The following CBX5 variants were observed in gnomAD, a reference collection of about 807,000 sequenced individuals.
CBX5 encodes chromobox protein homolog 5.
A neutral mutation model predicts 20.7 loss-of-function variants in CBX5; 7 were observed. That is an observed-to-expected ratio of 0.34 (90% CI 0.19 to 0.63). The LOEUF is 0.63. CBX5 is among the 30% of genes least tolerant of loss of function. The pLI is 0.75. For missense variants in CBX5, 110 were observed against 224.1 expected (o/e 0.49, Z 3.25); for synonymous variants, 78 against 77.0 (o/e 1.01, Z -0.07).
intron 1 of CBX5, among the ~76,000 whole-genome samples, chr12:54,265,044 G>A (rs1259846859): frequency 1.3e-5 from 2 of 152,120 alleles, no homozygotes; most frequent in African/African-American, 4.8e-5. Context: ...GAGCAGAGGA[G>A]AGCGCATATG....
At position 54,277,840 on chromosome 12, in the gene CBX5, T is replaced by C. The variant is rs536317730; in HGVS notation, c.-43+2168A>G. On this transcript the variant is annotated intron_variant, in intron 1 of 4. Coordinates refer to ENST00000209875, the MANE Select transcript of CBX5 (RefSeq NM_012117.3). ...AAAAATAATAAACTCTAGTGTTCTA[T>C]TTTTATTTTTTTAGCAATGGGATCT... 2.0e-5 allele frequency among the ~76,000 whole-genome samples: 3 copies of C among 152,234 alleles called. No individual in the cohort carries two copies. The South Asian group carries it at 6.2e-4, about 32-fold the overall frequency.
chr12:54,246,019 G>T, intron 4 of CBX5, 96 bp downstream of exon 4: 1 of 827,604 alleles, frequency 1.2e-6, no homozygotes, highest in Non-Finnish European at 2.1e-6. Context: ...AAAATTCATG[G>T]TTTGGGAATA....
chr12:54,267,033 T>C (rs1212183192), intron 1 of CBX5, among the ~76,000 whole-genome samples: 3 of 152,166 alleles, frequency 2.0e-5, no homozygotes, highest in Non-Finnish European at 4.4e-5. Flanking sequence ...AGATGGTGTT[T>C]TCCAACAACT....
intron 1 of CBX5, among the ~76,000 whole-genome samples, chr12:54,266,166 G>A (rs1475378444): frequency 6.6e-6 from 1 of 151,958 alleles, no homozygotes; most frequent in African/African-American, 2.4e-5. Context: ...CCAGCACTTT[G>A]AGAGGCAGAT....
In CBX5 at chr12:54,240,529, G is replaced by A. The variant is rs1350278186; in HGVS notation, c.*1226C>T. ...GGCGGTAGCCACTGTGCCTGGCCAT[G>A]AAAATTCATTTTAAAAAATAAGATA... On this transcript the variant is annotated 3_prime_UTR_variant, in exon 5 of 5. Transcript: ENST00000209875. 1 of 152,002 alleles carries A rather than the reference G, an allele frequency of 6.6e-6. No homozygotes were observed. The highest frequency in any genetic ancestry group is 1.5e-5 in the Non-Finnish European group (1 of 68,000). The allele number at this position is 152,002 out of a possible 1,614,324, so 9.4% of individuals were successfully genotyped here. A position where few individuals can be genotyped will look rare whatever the true frequency, so the allele number is the denominator to read the frequency against.
At chr12:54,256,681 A>G (rs1170460039) in intron 2 of CBX5, among the ~76,000 whole-genome samples, 1 of 152,060 alleles carries the variant, frequency 6.6e-6, no homozygotes, top group East Asian at 1.9e-4. Context: ...CACACACACA[A>G]ATTTCATTAA....
chr12:54,269,617 G>T (rs1368431033), intron 1 of CBX5, among the ~76,000 whole-genome samples: 1 of 152,148 alleles, frequency 6.6e-6, no homozygotes, highest in Non-Finnish European at 1.5e-5. Context: ...TTGAACTCCT[G>T]ACCTCGTGAT....
chr12:54,260,493 G>A lies in CBX5; in HGVS notation c.-42-2801C>T, dbSNP rs1465394195. ...TGGGCGACAAGAGTGAGACTGTCTC[G>A]AAAAAATAAAACAAAATGAATTTAG... On this transcript the variant is annotated intron_variant, in intron 1 of 4. Coordinates refer to ENST00000209875, the MANE Select transcript of CBX5 (RefSeq NM_012117.3). 4.0e-5 allele frequency among the ~76,000 whole-genome samples: 6 copies of A among 149,100 alleles called. No individual in the cohort carries two copies. The Middle Eastern group carries it at 0.01, about 254-fold the overall frequency.
chr12:54,234,005 C>T lies in CBX5; in HGVS notation c.*7750G>A, dbSNP rs571433578. 6.6e-6 allele frequency: 1 copy of T among 151,702 alleles called. No individual in the cohort carries two copies. The highest frequency in any genetic ancestry group is 1.5e-5 in the Non-Finnish European group (1 of 68,018). The allele number at this position is 151,702 out of a possible 1,614,324, so 9.4% of individuals were successfully genotyped here. On this transcript the variant is annotated 3_prime_UTR_variant, in exon 5 of 5. Transcript: ENST00000209875. ...AGACCAGCACGGCCAAGATGGTGAA[C>T]CCTGTCTCTACTAAAAATACAAAAA...
rs1167399249 is a variant in CBX5 at position 54,257,499 on chromosome 12, A to G, written c.137+15T>C. On this transcript the variant is annotated intron_variant, in intron 2 of 4. Coordinates refer to ENST00000209875, the MANE Select transcript of CBX5 (RefSeq NM_012117.3). The stretch of plus-strand genomic sequence containing the variant: ...TCTACAGAGTCCCAACGCCTGGGGG[A>G]AAAAAGGAACTTACTCAGAAAAGCC... The G allele has an allele frequency of 6.2e-7, 1 of 1,612,160 alleles. No individual in the cohort carries two copies. Among genetic ancestry groups the G allele is most frequent in the Admixed American group, 1.7e-5 (1 of 59,884 alleles).
intron 1 of CBX5, among the ~76,000 whole-genome samples, chr12:54,274,696 T>G (rs575175961): frequency 7.8e-4 from 118 of 152,144 alleles, no homozygotes; most frequent in African/African-American, 2.7e-3. Flanking sequence ...TTCTAACACT[T>G]TGGGAGGCCG....
chr12:54,243,299 G>A (rs1943697528), intron 4 of CBX5, among the ~76,000 whole-genome samples: 1 of 151,892 alleles, frequency 6.6e-6, no homozygotes, highest in Non-Finnish European at 1.5e-5. Flanking sequence ...GTCCAGCCCA[G>A]GCACAGCGCC....
chr12:54,249,949 A>G (rs984560868), intron 3 of CBX5, among the ~76,000 whole-genome samples: 10 of 152,234 alleles, frequency 6.6e-5, no homozygotes, highest in African/African-American at 2.4e-4. Context: ...TGAGCCAGGC[A>G]TGGTGGCTCA....
chr12:54,264,220 C>G (rs934806579), intron 1 of CBX5, among the ~76,000 whole-genome samples: 18 of 152,138 alleles, frequency 1.2e-4, no homozygotes, highest in Admixed American at 3.9e-4. Context: ...TGCAGTGGTG[C>G]GGACAGTTTA....
Position 54,234,798 on chromosome 12 carries a change from C to T in CBX5, c.*6957G>A, listed in dbSNP as rs936159660. 1 of 152,162 alleles carries T rather than the reference C, an allele frequency of 6.6e-6. No individual in the cohort carries two copies. Among genetic ancestry groups the T allele is most frequent in the East Asian group, 1.9e-4 (1 of 5,196 alleles). 9.4% of individuals were successfully genotyped at this position (152,162 alleles called of 1,614,324 possible). A position where few individuals can be genotyped will look rare whatever the true frequency, so the allele number is the denominator to read the frequency against. ...TCTTCCCATAAAACAAGACTTTAAA[C>T]TATTTTAAAACATTTCTCTTGACAG... On this transcript the variant is annotated 3_prime_UTR_variant, in exon 5 of 5. Transcript: ENST00000209875.
intron 1 of CBX5, among the ~76,000 whole-genome samples, chr12:54,263,436 C>T (rs1478628549): frequency 1.3e-5 from 2 of 151,438 alleles, no homozygotes; most frequent in Admixed American, 1.3e-4. Flanking sequence ...CTAGGGCAAC[C>T]CAGAAAAACA....
At chr12:54,244,673 G>C (rs897027206) in intron 4 of CBX5, among the ~76,000 whole-genome samples, 1 of 152,042 alleles carries the variant, frequency 6.6e-6, no homozygotes, top group African/African-American at 2.4e-5. Context: ...GGGAGGCAGA[G>C]ATTGCAGTGA....
At chr12:54,260,571 G>T (rs964795825) in intron 1 of CBX5, among the ~76,000 whole-genome samples, 2 of 150,972 alleles carry the variant, frequency 1.3e-5, no homozygotes, top group African/African-American at 4.9e-5. Context: ...GAGCAGTTCT[G>T]CCACAACCTA....
chr12:54,274,463 T>C (rs779792865), intron 1 of CBX5: 9 of 152,250 alleles, frequency 5.9e-5, no homozygotes, highest in Non-Finnish European at 8.8e-5. Flanking sequence ...TCTCATGTTG[T>C]AATTTATTAC....
Sources: allele counts gnomAD v4.1 joint callset (sites outside exome capture counted in the v4.1 genomes callset), GRCh38; gene constraint gnomAD v4.1.1; transcripts MANE v1.5; gene names NCBI Gene and HGNC (gene_info 2026-07-23, HGNC 2026-07-21).